Variants in PKP2 observed in about 807,000 individuals in gnomAD.
PKP2 encodes the protein plakophilin-2.
PKP2 carries 73 observed loss-of-function variants against 83.4 expected under a neutral mutation model. That is an observed-to-expected ratio of 0.88 (90% confidence interval 0.72 to 1.06). PKP2 has a LOEUF of 1.06. Ranked by LOEUF, PKP2 falls within the 50% of genes least tolerant of loss-of-function variation. The probability of loss-of-function intolerance (pLI) is 0.00; values close to 1 mark genes in which losing one functional copy is unlikely to be tolerated. For synonymous variants in PKP2, 409 were observed against 430.4 expected, an observed-to-expected ratio of 0.95 and a Z score of 0.62; for missense variants, 966 against 1,065.4, an observed-to-expected ratio of 0.91 and a Z score of 1.30.
intron 6 of PKP2, among the ~76,000 whole-genome samples, chr12:32,834,144 C>T (rs1333272175): frequency 6.6e-6 from 1 of 152,198 alleles, no homozygotes; most frequent in Non-Finnish European, 1.5e-5. Flanking sequence ...ACTTTCATCC[C>T]TCTCTTAAAT....
intron 6 of PKP2, among the ~76,000 whole-genome samples, chr12:32,839,064 G>A (rs1956566322): frequency 6.6e-6 from 1 of 152,188 alleles, no homozygotes; most frequent in Non-Finnish European, 1.5e-5. Context: ...GGAAAAGCAA[G>A]CACTTTGGTG....
chr12:32,894,984 C>G (rs563002996), intron 1 of PKP2, among the ~76,000 whole-genome samples: 3 of 152,106 alleles, frequency 2.0e-5, no homozygotes, highest in Non-Finnish European at 4.4e-5. Flanking sequence ...GAGGGGGCCA[C>G]GGAGAGGCTT....
chr12:32,811,434 A>G (rs1384738875), intron 9 of PKP2, among the ~76,000 whole-genome samples: 1 of 152,226 alleles, frequency 6.6e-6, no homozygotes, highest in Non-Finnish European at 1.5e-5. Context: ...AACTCAATGA[A>G]TTTCTTCACT....
intron 4 of PKP2, among the ~76,000 whole-genome samples, chr12:32,857,053 T>C (rs1956755985): frequency 6.6e-6 from 1 of 152,200 alleles, no homozygotes. Context: ...AGTCCATGAT[T>C]AAACCACCAA....
At chr12:32,824,679 T>A (rs904067359) in intron 6 of PKP2, among the ~76,000 whole-genome samples, 2 of 152,356 alleles carry the variant, frequency 1.3e-5, no homozygotes, top group South Asian at 2.1e-4. Context: ...AATCAGATGC[T>A]CTAAAATGCG....
intron 5 of PKP2, among the ~76,000 whole-genome samples, chr12:32,842,492 C>T (rs982788377): frequency 5.3e-5 from 8 of 151,954 alleles, no homozygotes; most frequent in East Asian, 1.9e-4. Context: ...TCTGCTGCCT[C>T]GATCTCCCAA....
intron 11 of PKP2, among the ~76,000 whole-genome samples, chr12:32,794,905 G>C (rs990908355): frequency 1.3e-5 from 2 of 152,148 alleles, no homozygotes; most frequent in Admixed American, 1.3e-4. Context: ...GCCTAAATTG[G>C]GTGGGGCTGT....
chr12:32,839,477 GAA>G (rs1956570208), intron 6 of PKP2, among the ~76,000 whole-genome samples: 1 of 148,594 alleles, frequency 6.7e-6, no homozygotes, highest in Non-Finnish European at 1.5e-5. Flanking sequence ...AGCCCACTAT[GAA>G]AAAAGAAGAG....
chr12:32,862,713 C>A (rs575942629), intron 4 of PKP2, among the ~76,000 whole-genome samples: 81 of 152,230 alleles, frequency 5.3e-4, no homozygotes, highest in Middle Eastern at 3.4e-3. Flanking sequence ...CCTCTAATCC[C>A]TGCACTTTGG....
intron 6 of PKP2, among the ~76,000 whole-genome samples, chr12:32,835,981 G>C (rs1261967483): frequency 6.6e-6 from 1 of 152,156 alleles, no homozygotes; most frequent in East Asian, 1.9e-4. Context: ...TCCCATCATG[G>C]CTAGTTTCAA....
At chr12:32,851,438 A>G (rs936335123) in intron 4 of PKP2, among the ~76,000 whole-genome samples, 12 of 152,166 alleles carry the variant, frequency 7.9e-5, no homozygotes, top group African/African-American at 2.9e-4. Context: ...TGCATTTACC[A>G]TGTCAGCCTC....
At chr12:32,854,343 C>T (rs1051548249) in intron 4 of PKP2, among the ~76,000 whole-genome samples, 1 of 152,240 alleles carries the variant, frequency 6.6e-6, no homozygotes, top group African/African-American at 2.4e-5. Context: ...AATCCGGCTA[C>T]AGCTCTACTT....
chr12:32,830,626 G>A (rs1270954540), intron 6 of PKP2, among the ~76,000 whole-genome samples: 6 of 152,078 alleles, frequency 3.9e-5, no homozygotes, highest in Non-Finnish European at 7.4e-5. Context: ...TTTAGCTCTG[G>A]CCAGGCACGG....
At chr12:32,858,107 A>ATT (rs1956769384) in intron 4 of PKP2, among the ~76,000 whole-genome samples, 1 of 101,714 alleles carries the variant, frequency 9.8e-6, no homozygotes, top group African/African-American at 3.8e-5. Context: ...ATATATATAT[A>ATT]TATATATATT....
intron 6 of PKP2, among the ~76,000 whole-genome samples, chr12:32,833,266 C>T (rs1956516677): frequency 6.6e-6 from 1 of 151,868 alleles, no homozygotes; most frequent in Non-Finnish European, 1.5e-5. Flanking sequence ...ATAAATAATA[C>T]AAAAAGAAAG....
intron 5 of PKP2, 28 bp from the exon 6 acceptor site, chr12:32,841,233 A>G (rs776936892): frequency 6.3e-7 from 1 of 1,595,456 alleles, no homozygotes; most frequent in Non-Finnish European, 8.6e-7. Flanking sequence ...TACCATGAAA[A>G]CAGTGCAGGG....
chr12:32,878,212 T>C lies in PKP2; in HGVS notation c.668A>G (p.His223Arg). The change falls in exon 3 of 13, where the codon CAT becomes CGT. Residue 223 changes from histidine to arginine, a missense_variant. Physicochemically the swap from His to Arg is conservative, Grantham distance 29. Transcript: ENST00000340811. The stretch of plus-strand genomic sequence containing the variant: ...AAAAACGGTGTCGCTAACAGAGCCA[T>C]GCTGGTACTGTCTGTGGTATGTGTC... Reference protein sequence around the residue: ...HFDTYHRQYQHGSVSDTVFDS... With the variant: ...HFDTYHRQYQRGSVSDTVFDS... 6.2e-7 allele frequency: 1 copy of C among 1,614,114 alleles called. No individual in the cohort carries two copies. The highest frequency in any genetic ancestry group is 8.5e-7 in the Non-Finnish European group (1 of 1,180,008).
In PKP2 at chr12:32,855,794, A is replaced by AAAAAAAAAG. The variant is rs1459718298; in HGVS notation, c.1171-4822_1171-4821insCTTTTTTTT. Among the ~76,000 whole-genome samples, 976 of 148,092 alleles carry AAAAAAAAAG rather than the reference A, an allele frequency of 6.6e-3. 28 individuals are homozygous for AAAAAAAAAG. The highest frequency in any genetic ancestry group is 0.024 in the African/African-American group (931 of 38,668). ...ATCTCAAAAAAAAAAAAAAAAAAAAAAGGAAGAAAATATCTATGAATTTCT... is the reference window on the plus strand; with the variant it reads ...ATCTCAAAAAAAAAAAAAAAAAAAAAAAAAAAAAGAGGAAGAAAATATCTATGAATTTCT... On this transcript the variant is annotated intron_variant, in intron 4 of 12. Coordinates refer to ENST00000340811, the MANE Select transcript of PKP2 (RefSeq NM_001005242.3).
intron 5 of PKP2, among the ~76,000 whole-genome samples, chr12:32,849,590 T>G (rs568608812): frequency 2.6e-4 from 39 of 152,296 alleles, no homozygotes; most frequent in African/African-American, 9.4e-4. Context: ...GGAGAGTGCT[T>G]ATTCTGGAAC....
Sources: gnomAD v4.1 joint callset for allele counts (sites outside exome capture counted in the v4.1 genomes callset) on GRCh38, gnomAD v4.1.1 for gene constraint, MANE v1.5 for transcripts, NCBI Gene and HGNC (gene_info 2026-07-23, HGNC 2026-07-21) for gene names.